The following TNFRSF11A variants were observed in gnomAD, a reference collection of about 807,000 sequenced individuals.
The protein encoded by TNFRSF11A is tumor necrosis factor receptor superfamily member 11A.
A neutral mutation model predicts 55.7 loss-of-function variants in TNFRSF11A; 32 were observed. The observed-to-expected ratio is 0.57, with a 90% CI of 0.43 to 0.77. The LOEUF (loss-of-function observed/expected upper bound fraction) is 0.77. Among genes scored for constraint, TNFRSF11A ranks in the 30% least tolerant of loss-of-function variants. The pLI, the probability that TNFRSF11A is intolerant of heterozygous loss-of-function variation, is 0.00. For missense variants in TNFRSF11A, 753 were observed against 809.8 expected (o/e 0.93, Z 0.85); for synonymous variants, 311 against 331.0 (o/e 0.94, Z 0.65).
intron 1 of TNFRSF11A, among the ~76,000 whole-genome samples, chr18:62,331,487 T>TA (rs2046153131): frequency 6.6e-6 from 1 of 152,174 alleles, no homozygotes; most frequent in Non-Finnish European, 1.5e-5. Context: ...GCAAACATGG[T>TA]AAAAGCCCCG....
chr18:62,366,851 C>A (rs879144844), intron 8 of TNFRSF11A, 91 bp downstream of exon 8: 8 of 1,322,662 alleles, frequency 6.0e-6, no homozygotes, highest in South Asian at 3.5e-5. Context: ...CACCCCCCCC[C>A]ACCCCCACTT....
At chr18:62,363,902 G>A (rs950919274) in intron 7 of TNFRSF11A, among the ~76,000 whole-genome samples, 1 of 152,332 alleles carries the variant, frequency 6.6e-6, no homozygotes, top group Admixed American at 6.5e-5. Context: ...TGAACTGGAT[G>A]TCATGACTGT....
rs1276613536 is a variant in TNFRSF11A at position 62,348,172 on chromosome 18, C to G, written c.80C>G (p.Ala27Gly). 1 of 1,613,432 alleles carries G rather than the reference C, an allele frequency of 6.2e-7. No homozygotes were observed. Among genetic ancestry groups the G allele is most frequent in the Non-Finnish European group, 8.5e-7 (1 of 1,179,816 alleles). Reference protein sequence around the residue: ...LCALLARLQVALQIAPPCTSE... With the variant: ...LCALLARLQVGLQIAPPCTSE... ...TGACCTCAGTGTTCTTTTCAGGTGGCTTTGCAGATCGCTCCTCCATGTACC... is the reference window on the plus strand; with the variant it reads ...TGACCTCAGTGTTCTTTTCAGGTGGGTTTGCAGATCGCTCCTCCATGTACC... Residue 27 changes from alanine (A) to glycine (G), a missense_variant, in exon 2 of 10, where the codon GCT becomes GGT. By Grantham distance (60) the Ala-to-Gly change is moderately conservative. This residue lies in a region of TNFRSF11A where 156 missense variants were observed against 155.1 expected (regional missense o/e 1.01). Coordinates refer to ENST00000586569, the MANE Select transcript of TNFRSF11A (RefSeq NM_003839.4).
Position 62,383,747 on chromosome 18 carries a change from G to A in TNFRSF11A, c.1568-1004G>A, listed in dbSNP as rs1028444960. Among the ~76,000 whole-genome samples, 9 of 152,316 alleles carry A rather than the reference G, an allele frequency of 5.9e-5. No homozygotes were observed. The highest frequency in any genetic ancestry group is 2.2e-4 in the African/African-American group (9 of 41,574). ...ATCTAGTCACCCACAAAGCAATGAT[G>A]CTAGAACCCCTTAGGGACAAAACAC... is the stretch of plus-strand genomic sequence containing the variant. On this transcript the variant is annotated intron_variant, in intron 9 of 9. Transcript: ENST00000586569. This position sits in a 1 kb window ranked among gnomAD's most constrained non-coding sequence, Gnocchi z 4.2.
intron 1 of TNFRSF11A, among the ~76,000 whole-genome samples, chr18:62,327,886 A>G (rs1318558337): frequency 6.6e-6 from 1 of 152,256 alleles, no homozygotes; most frequent in Non-Finnish European, 1.5e-5. Context: ...ATAGAATAAA[A>G]CTATTTGCCT....
chr18:62,344,060 A>T (rs150083087), intron 1 of TNFRSF11A, among the ~76,000 whole-genome samples: 114 of 152,322 alleles, frequency 7.5e-4, no homozygotes, highest in African/African-American at 2.7e-3. Context: ...GGCGGCTGTG[A>T]TGTAGAATAG....
chr18:62,336,160 T>C lies in TNFRSF11A; in HGVS notation c.75+10733T>C, dbSNP rs117697563. Among the ~76,000 whole-genome samples, 56 of 152,344 alleles carry C rather than the reference T, an allele frequency of 3.7e-4. No individual in the cohort carries two copies. In the East Asian group the frequency reaches 0.011, roughly 29 times the overall value. On this transcript the variant is annotated intron_variant, in intron 1 of 9. Coordinates refer to ENST00000586569, the MANE Select transcript of TNFRSF11A (RefSeq NM_003839.4). ...GAGATGACTATGCAGTGTTTGGAAA[T>C]AGGAGAAAGTCCTGGTTTTTGGTTT...
At chr18:62,370,711 C>A (rs1438689842) in intron 9 of TNFRSF11A, among the ~76,000 whole-genome samples, 2 of 152,158 alleles carry the variant, frequency 1.3e-5, no homozygotes, top group East Asian at 1.9e-4. Context: ...TTTCAAAGAA[C>A]TGGTATGTTT....
chr18:62,384,677 A>G, intron 9 of TNFRSF11A, 74 bp from the exon 10 acceptor site: 1 of 1,559,386 alleles, frequency 6.4e-7, no homozygotes, highest in Non-Finnish European at 8.7e-7. Flanking sequence ...CACTCCCCGG[A>G]ACCTTCCTCT....
At chr18:62,342,596 A>G (rs1220661123) in intron 1 of TNFRSF11A, among the ~76,000 whole-genome samples, 1 of 152,136 alleles carries the variant, frequency 6.6e-6, no homozygotes, top group Admixed American at 6.5e-5. Flanking sequence ...TCACAGGCAC[A>G]GGACTGTGCC....
chr18:62,350,541 C>T (rs921248469), intron 3 of TNFRSF11A, among the ~76,000 whole-genome samples: 3 of 152,132 alleles, frequency 2.0e-5, no homozygotes, highest in Non-Finnish European at 4.4e-5. Flanking sequence ...ATCTGCCCGC[C>T]TCGGCCTTCC....
chr18:62,334,461 C>T (rs2046201119), intron 1 of TNFRSF11A, among the ~76,000 whole-genome samples: 1 of 152,176 alleles, frequency 6.6e-6, no homozygotes, highest in Non-Finnish European at 1.5e-5. Flanking sequence ...CACCACCTGC[C>T]AGGCTCTGTG....
At chr18:62,328,427 A>G (rs1342748970) in intron 1 of TNFRSF11A, among the ~76,000 whole-genome samples, 2 of 152,154 alleles carry the variant, frequency 1.3e-5, no homozygotes, top group Admixed American at 1.3e-4. Flanking sequence ...GAAAGAAAAA[A>G]AAAAACAACC....
At chr18:62,358,457 C>A in intron 5 of TNFRSF11A, 116 bp downstream of exon 5, 1 of 1,000,704 alleles carries the variant, frequency 1.0e-6, no homozygotes, top group Non-Finnish European at 1.6e-6. Flanking sequence ...CCTCTTGAAG[C>A]CACGTTCAAA....
At chr18:62,375,164 A>G (rs1200137076) in intron 9 of TNFRSF11A, among the ~76,000 whole-genome samples, 1 of 150,662 alleles carries the variant, frequency 6.6e-6, no homozygotes, top group Admixed American at 6.6e-5. Flanking sequence ...GGATCCACAC[A>G]CCTAGGCCTC....
chr18:62,327,133 T>G (rs1759624519), intron 1 of TNFRSF11A, among the ~76,000 whole-genome samples: 1 of 152,186 alleles, frequency 6.6e-6, no homozygotes, highest in Admixed American at 6.5e-5. Context: ...TGACCAGCCC[T>G]TCGGAGAATA....
At chr18:62,354,658 G>C in intron 4 of TNFRSF11A, 124 bp downstream of exon 4, 2 of 1,420,398 alleles carry the variant, frequency 1.4e-6, no homozygotes, top group Non-Finnish European at 1.9e-6. Context: ...GAACCTGAGG[G>C]ATGGGGAAAG....
At chr18:62,363,321 G>A (rs894465161) in intron 7 of TNFRSF11A, among the ~76,000 whole-genome samples, 2 of 150,172 alleles carry the variant, frequency 1.3e-5, no homozygotes, top group Non-Finnish European at 3.0e-5. Context: ...GATGGGGATT[G>A]CAGATGCCAG....
In TNFRSF11A at chr18:62,384,820, T is replaced by C; in HGVS notation, c.1637T>C (p.Ile546Thr). The C allele has an allele frequency of 1.9e-6, 3 of 1,612,318 alleles. No individual in the cohort carries two copies. The highest frequency in any genetic ancestry group is 2.5e-6 in the Non-Finnish European group (3 of 1,179,384). Reference protein sequence around the residue: ...SGQVMNFKGDIIVVYVSQTSQ... With the variant: ...SGQVMNFKGDTIVVYVSQTSQ... ...CAGGTGATGAACTTCAAGGGCGACA[T>C]CATCGTGGTCTACGTCAGCCAGACC... is the stretch of plus-strand genomic sequence containing the variant. Residue 546 changes from isoleucine to threonine, a missense_variant, in exon 10 of 10, where the codon ATC (isoleucine) becomes ACC (threonine). This residue lies in a region of TNFRSF11A where 567 missense variants were observed against 596.7 expected (regional missense o/e 0.95). Transcript: ENST00000586569.
Sources: gnomAD v4.1 joint callset for allele counts (sites outside exome capture counted in the v4.1 genomes callset) on GRCh38, gnomAD v4.1.1 for gene constraint, gnomAD v4.1.1 regional missense constraint, Gnocchi (gnomAD v3.1) non-coding constraint, MANE v1.5 for transcripts, NCBI Gene and HGNC (gene_info 2026-07-23, HGNC 2026-07-21) for gene names.